ATRNL1: variants seen among roughly 807,000 people sequenced by gnomAD.
The protein encoded by ATRNL1 is attractin like 1, also known as attractin-like protein 1.
A neutral mutation model predicts 182.7 loss-of-function variants in ATRNL1; 95 were observed. The observed-to-expected ratio is 0.52, with a 90% CI of 0.44 to 0.62. The LOEUF (loss-of-function observed/expected upper bound fraction) is 0.62, where lower values mean the gene tolerates loss of function less well. Ranked by LOEUF, ATRNL1 falls within the 20% of genes least tolerant of loss-of-function variation. ATRNL1 has a pLI of 0.00. For synonymous variants in ATRNL1, 576 were observed against 568.3 expected (o/e 1.01, Z -0.19); for missense variants, 1,471 against 1,679.5 (o/e 0.88, Z 2.17).
At chr10:115,539,131 C>G (rs1293758865) in intron 25 of ATRNL1, among the ~76,000 whole-genome samples, 2 of 152,214 alleles carry the variant, frequency 1.3e-5, no homozygotes, top group African/African-American at 4.8e-5. Context: ...TAGTAAGTGA[C>G]ACATGACTGT....
At chr10:115,255,178 A>G (rs1028027684) in intron 10 of ATRNL1, among the ~76,000 whole-genome samples, 1 of 152,220 alleles carries the variant, frequency 6.6e-6, no homozygotes, top group Non-Finnish European at 1.5e-5. Context: ...GAAGAAAGTC[A>G]TTGGTAGCTT....
At chr10:115,685,639 A>T (rs940521747) in intron 26 of ATRNL1, among the ~76,000 whole-genome samples, 14 of 151,892 alleles carry the variant, frequency 9.2e-5, no homozygotes, top group African/African-American at 3.4e-4. Flanking sequence ...GTCTTTGTAG[A>T]CACATGAAGT....
chr10:115,897,169 G>GCCTAT (rs1952229035), intron 28 of ATRNL1, among the ~76,000 whole-genome samples: 1 of 152,016 alleles, frequency 6.6e-6, no homozygotes, highest in Non-Finnish European at 1.5e-5. Context: ...AATAGGAATG[G>GCCTAT]CCTATATGAA....
chr10:115,441,069 G>A (rs1846655404), intron 21 of ATRNL1, among the ~76,000 whole-genome samples: 1 of 151,450 alleles, frequency 6.6e-6, no homozygotes, highest in African/African-American at 2.4e-5. Flanking sequence ...TTATTATCGA[G>A]GAAAGAATAA....
chr10:115,277,472 A>G (rs1223883356), intron 13 of ATRNL1, among the ~76,000 whole-genome samples: 3 of 152,124 alleles, frequency 2.0e-5, no homozygotes, highest in Non-Finnish European at 4.4e-5. Context: ...AATAAATTTT[A>G]TCTATAGGAT....
intron 27 of ATRNL1, among the ~76,000 whole-genome samples, chr10:115,763,647 T>C (rs1948787066): frequency 1.3e-5 from 2 of 152,032 alleles, no homozygotes; most frequent in African/African-American, 2.4e-5. Context: ...AGAAGACTTC[T>C]AAGCACAATC....
At chr10:115,366,883 G>T (rs1156790348) in intron 19 of ATRNL1, among the ~76,000 whole-genome samples, 2 of 143,290 alleles carry the variant, frequency 1.4e-5, no homozygotes, top group Non-Finnish European at 3.0e-5. Context: ...TCTGCCGAGA[G>T]ATCCACTGTT....
At chr10:115,566,480 T>C (rs1854083702) in intron 26 of ATRNL1, among the ~76,000 whole-genome samples, 1 of 152,206 alleles carries the variant, frequency 6.6e-6, no homozygotes. Context: ...AGGTTATTGA[T>C]ATAAGTTGCA....
At chr10:115,572,059 A>G (rs1295329576) in intron 26 of ATRNL1, among the ~76,000 whole-genome samples, 4 of 152,196 alleles carry the variant, frequency 2.6e-5, no homozygotes, top group African/African-American at 7.2e-5. Context: ...GGAATGAAGA[A>G]TTATTGCAAA....
At chr10:115,521,797 T>A (rs60980457) in intron 25 of ATRNL1, among the ~76,000 whole-genome samples, 1,704 of 152,322 alleles carry the variant, frequency 0.011, 25 homozygotes, top group African/African-American at 0.039. Context: ...ATTAGATCAC[T>A]TAAAAAACTG....
intron 19 of ATRNL1, among the ~76,000 whole-genome samples, chr10:115,363,644 G>C (rs1292220702): frequency 6.6e-6 from 1 of 151,708 alleles, no homozygotes; most frequent in East Asian, 1.9e-4. Context: ...GGGTTTTTAT[G>C]GTTTTAGGTC....
At chr10:115,371,347 C>A (rs1857385828) in intron 19 of ATRNL1, among the ~76,000 whole-genome samples, 1 of 152,118 alleles carries the variant, frequency 6.6e-6, no homozygotes. Flanking sequence ...TGGCACCCTG[C>A]ATTTGGAAAA....
At chr10:115,725,646 G>T (rs10885795) in intron 26 of ATRNL1, among the ~76,000 whole-genome samples, 56,227 of 151,962 alleles carry the variant, frequency 0.37, 11,242 homozygotes, top group East Asian at 0.6. Flanking sequence ...GTATAGGAAG[G>T]GTAGATTGTA....
intron 26 of ATRNL1, among the ~76,000 whole-genome samples, chr10:115,577,109 T>C (rs555243592): frequency 2.1e-4 from 32 of 152,002 alleles, no homozygotes; most frequent in African/African-American, 7.5e-4. Context: ...AATGCCAGTA[T>C]CATAATATTT....
At chr10:115,391,369 C>T (rs575940575) in intron 19 of ATRNL1, among the ~76,000 whole-genome samples, 11 of 152,130 alleles carry the variant, frequency 7.2e-5, no homozygotes, top group Non-Finnish European at 1.2e-4. Flanking sequence ...CCTGACAATG[C>T]AGGGACTAGT....
At chr10:115,923,915 A>G (rs1172248789) in intron 28 of ATRNL1, among the ~76,000 whole-genome samples, 2 of 152,010 alleles carry the variant, frequency 1.3e-5, no homozygotes, top group Non-Finnish European at 2.9e-5. Flanking sequence ...ACCAGCATCT[A>G]TTGTTTCTTG....
chr10:115,619,892 A>T (rs1555022113), intron 26 of ATRNL1, among the ~76,000 whole-genome samples: 1 of 152,190 alleles, frequency 6.6e-6, no homozygotes, highest in African/African-American at 2.4e-5. Flanking sequence ...GCCTGTCAAG[A>T]TCAGGTGTTT....
intron 5 of ATRNL1, among the ~76,000 whole-genome samples, chr10:115,138,563 GA>G (rs1845620938): frequency 6.6e-6 from 1 of 152,238 alleles, no homozygotes; most frequent in African/African-American, 2.4e-5. Context: ...TCCACCCTCT[GA>G]AGCAACATCC....
At chr10:115,527,528 T>A (rs185029963) in intron 25 of ATRNL1, among the ~76,000 whole-genome samples, 62 of 152,292 alleles carry the variant, frequency 4.1e-4, no homozygotes, top group Non-Finnish European at 7.5e-4. Flanking sequence ...TGTGTTTGTA[T>A]TTATTTTTGT....
Sources: gnomAD v4.1 joint callset for allele counts (sites outside exome capture counted in the v4.1 genomes callset) on GRCh38, gnomAD v4.1.1 for gene constraint, MANE v1.5 for transcripts, NCBI Gene and HGNC (gene_info 2026-07-23, HGNC 2026-07-21) for gene names.